TAF1: variants seen among roughly 807,000 people sequenced by gnomAD.
TAF1 encodes the protein transcription initiation factor TFIID subunit 1.
A neutral mutation model predicts 138.5 loss-of-function variants in TAF1; 2 were observed. That is an observed-to-expected ratio of 0.01 (90% CI 0.01 to 0.05). The LOEUF (loss-of-function observed/expected upper bound fraction) is 0.05. Among genes scored for constraint, TAF1 ranks in the 10% least tolerant of loss-of-function variants. The probability of loss-of-function intolerance (pLI) is 1.00; values close to 1 mark genes in which losing one functional copy is unlikely to be tolerated. For synonymous variants in TAF1, 437 were observed against 503.2 expected (o/e 0.87, Z 1.76); for missense variants, 709 against 1,478.0 (o/e 0.48, Z 8.53).
chrX:71,431,003 A>ATT lies in TAF1; in HGVS notation c.4753+6793_4753+6794dup, dbSNP rs41481947. ...GTGTACAGGTCCAAAGCTCAGAAGA[A>ATT]TTTTTTTTTTTTTTTTTTTTTTTTT... On this transcript the variant is annotated intron_variant, in intron 32 of 37. Transcript: ENST00000423759. 6.6e-3 allele frequency among the ~76,000 whole-genome samples: 456 copies of ATT among 68,584 alleles called. 29 individuals carry two copies. Among genetic ancestry groups the ATT allele is most frequent in the Non-Finnish European group, 9.0e-3 (345 of 38,280 alleles). The allele number at this position is 68,584 out of a possible 115,157, so 59.6% of individuals were successfully genotyped here.
intron 32 of TAF1, among the ~76,000 whole-genome samples, chrX:71,438,836 G>A (rs2037274594): frequency 8.9e-6 from 1 of 111,735 alleles, no homozygotes; most frequent in Admixed American, 9.6e-5. Context: ...GTGGTGGCAC[G>A]TGGTATGAGA....
At chrX:71,433,911 A>G (rs937082863) in intron 32 of TAF1, among the ~76,000 whole-genome samples, 12 of 111,776 alleles carry the variant, frequency 1.1e-4, no homozygotes, top group Non-Finnish European at 1.9e-5. Context: ...GTGCCATGTG[A>G]TATGAAATGG....
intron 28 of TAF1, chrX:71,420,496 C>T (rs1443882300): frequency 9.2e-6 from 11 of 1,200,298 alleles, no homozygotes; most frequent in Non-Finnish European, 1.2e-5. Context: ...CGGGCATCGG[C>T]CTCCATCTTC....
intron 13 of TAF1, among the ~76,000 whole-genome samples, chrX:71,487,861 G>T (rs1240046296): frequency 9.0e-6 from 1 of 111,196 alleles, no homozygotes; most frequent in Non-Finnish European, 1.9e-5. Context: ...TTCTTTGCTT[G>T]CCTGTTAATT....
At position 71,458,338 on chromosome X, in the gene TAF1, G is replaced by T. The variant is rs966497425; in HGVS notation, c.5036G>T (p.Ser1679Ile). 4 of 1,209,895 alleles carry T rather than the reference G, an allele frequency of 3.3e-6. No individual in the cohort carries two copies. Among genetic ancestry groups the T allele is most frequent in the Non-Finnish European group, 4.5e-6 (4 of 895,143 alleles). The change falls in exon 35 of 38, where the codon AGT (serine) becomes ATT (isoleucine). Residue 1679 changes from serine to isoleucine, a missense_variant. Ser to Ile is a moderately radical substitution (Grantham distance 142). Around this residue, in one of 14 missense-constraint regions of TAF1, gnomAD observed 123 missense variants for 174.7 expected, o/e 0.70. Coordinates refer to ENST00000423759, the MANE Select transcript of TAF1 (RefSeq NM_004606.5). ...AATATGTCTGTCTTGGATATTCCCA[G>T]TGCCACTCCAGAAAAGCAGGTAACA... The part of the protein sequence containing the change: ...ESNMSVLDIP[S>I]ATPEKQVTQE...
At position 71,418,956 on chromosome X, in the gene TAF1, G is replaced by A. The variant is rs180815530; in HGVS notation, c.4385-2353G>A. Among the ~76,000 whole-genome samples, 778 of 110,325 alleles carry A rather than the reference G, an allele frequency of 7.1e-3. 10 individuals are homozygous for A. The highest frequency in any genetic ancestry group is 0.024 in the African/African-American group (736 of 30,312). On this transcript the variant is annotated intron_variant, in intron 28 of 37. Transcript: ENST00000423759. ...CTAATTTTGTATTTTTAGTAGAGACGGGGTTTCTCCATGTTGGTCAGGCTG... is the reference window on the plus strand; with the variant it reads ...CTAATTTTGTATTTTTAGTAGAGACAGGGTTTCTCCATGTTGGTCAGGCTG...
chrX:71,468,874 C>G (rs1469888243), downstream of TAF1, among the ~76,000 whole-genome samples: 1 of 108,103 alleles, frequency 9.3e-6, no homozygotes, highest in Non-Finnish European at 1.9e-5. Flanking sequence ...CCTATGGTCC[C>G]AGCTACTTGG....
intron 12 of TAF1, 36 bp downstream of exon 12, chrX:71,383,200 G>A (rs1569283705): frequency 2.6e-6 from 3 of 1,168,317 alleles, no homozygotes; most frequent in African/African-American, 1.8e-5. Flanking sequence ...CAGCTATAAA[G>A]GATATTGGGG....
At chrX:71,479,179 C>T (rs753020100) in intron 13 of TAF1, among the ~76,000 whole-genome samples, 1 of 112,168 alleles carries the variant, frequency 8.9e-6, no homozygotes, top group Admixed American at 9.5e-5. Flanking sequence ...ATAGATGAGT[C>T]CCACGAACAT....
At chrX:71,484,889 G>A (rs1178025403) in intron 13 of TAF1, 1 of 111,948 alleles carries the variant, frequency 8.9e-6, no homozygotes, top group Non-Finnish European at 1.9e-5. Flanking sequence ...TCAAGGTGAT[G>A]AACTTCAATA....
intron 13 of TAF1, among the ~76,000 whole-genome samples, chrX:71,505,559 A>G (rs1323517570): frequency 4.5e-5 from 5 of 112,288 alleles, no homozygotes; most frequent in Non-Finnish European, 9.4e-5. Context: ...AAAAATCTCA[A>G]TTGAGGGATA....
chrX:71,397,590 C>T (rs768986174), intron 23 of TAF1, 124 bp downstream of exon 23: 1 of 810,054 alleles, frequency 1.2e-6, no homozygotes, highest in Admixed American at 2.9e-5. Flanking sequence ...TCAAGTGATT[C>T]TCATGCCTCA....
rs2038707928 is a variant in TAF1, at chrX:71,465,050, G to A, written c.*1004G>A. 1 of 100,388 alleles carries A rather than the reference G, an allele frequency of 1.0e-5. No individual in the cohort carries two copies. Among genetic ancestry groups the A allele is most frequent in the African/African-American group, 3.7e-5 (1 of 27,081 alleles). The allele number at this position is 100,388 out of a possible 1,213,427, so 8.3% of individuals were successfully genotyped here. A position where few individuals can be genotyped will look rare whatever the true frequency, so the allele number is the denominator to read the frequency against. ...GACTGTGTCTTCTGTTTCTTTTCAT[G>A]CTTAGGATATGGTTCTGTGCATAGT... On this transcript the variant is annotated 3_prime_UTR_variant, in exon 38 of 38. Coordinates refer to ENST00000423759, the MANE Select transcript of TAF1 (RefSeq NM_004606.5).
intron 32 of TAF1, among the ~76,000 whole-genome samples, chrX:71,433,833 C>CT (rs1323646686): frequency 9.2e-6 from 1 of 108,995 alleles, no homozygotes; most frequent in Non-Finnish European, 1.9e-5. Context: ...AGAAGGCTGA[C>CT]TTTCCCCCCT....
chrX:71,367,911 TC>T, intron 2 of TAF1, 142 bp from the exon 3 acceptor site: 1 of 618,936 alleles, frequency 1.6e-6, no homozygotes, highest in East Asian at 3.2e-5. Context: ...CCTGAGGTGA[TC>T]CGTCTGGCTT....
At chrX:71,392,472 C>T (rs1045009094) in intron 18 of TAF1, 97 bp from the exon 19 acceptor site, 1 of 1,007,107 alleles carries the variant, frequency 9.9e-7, no homozygotes. Flanking sequence ...AAAAAAAGAA[C>T]ATGAAAATAG....
Position 71,440,915 on chromosome X carries a change from C to G in TAF1, c.4754-13255C>G, listed in dbSNP as rs1248072183. Among the ~76,000 whole-genome samples the G allele has an allele frequency of 4.5e-5, 5 of 110,141 alleles. 1 individual carries two copies. Among genetic ancestry groups the G allele is most frequent in the Non-Finnish European group, 3.8e-5 (2 of 52,741 alleles). On this transcript the variant is annotated intron_variant, in intron 32 of 37. Coordinates refer to ENST00000423759, the MANE Select transcript of TAF1 (RefSeq NM_004606.5). Reference sequence around the variant, plus strand: ...CATCTGTGTCTTCTCCTCCTCCCTTCTTCTTTCTCCTTCTTTCTCCCTTCT... The same window carrying G: ...CATCTGTGTCTTCTCCTCCTCCCTTGTTCTTTCTCCTTCTTTCTCCCTTCT...
At chrX:71,371,400 A>C (rs914485968) in intron 3 of TAF1, among the ~76,000 whole-genome samples, 1 of 111,477 alleles carries the variant, frequency 9.0e-6, no homozygotes. Context: ...TAAAATTTTG[A>C]AAGTGAGGCA....
intron 14 of TAF1, among the ~76,000 whole-genome samples, chrX:71,386,176 AAG>A (rs909527474): frequency 2.7e-5 from 3 of 110,741 alleles, no homozygotes; most frequent in Non-Finnish European, 3.8e-5. Context: ...AAAAAAAAAA[AAG>A]ATCTTTTTCT....
Sources: gnomAD v4.1 joint callset for allele counts (sites outside exome capture counted in the v4.1 genomes callset) on GRCh38, gnomAD v4.1.1 for gene constraint, gnomAD v4.1.1 regional missense constraint, MANE v1.5 for transcripts, NCBI Gene and HGNC (gene_info 2026-07-23, HGNC 2026-07-21) for gene names.